DENND10: variants seen among roughly 807,000 people sequenced by gnomAD.
The protein encoded by DENND10 is DENN domain containing 10.
A neutral mutation model predicts 43.6 loss-of-function variants in DENND10; 24 were observed. The ratio of observed to expected loss-of-function variants is 0.55; its 90% confidence interval spans 0.40 to 0.77. The LOEUF is 0.77. Among genes scored for constraint, DENND10 ranks in the 30% least tolerant of loss-of-function variants. The probability of loss-of-function intolerance (pLI) is 0.00; values close to 1 mark genes in which losing one functional copy is unlikely to be tolerated. For missense variants in DENND10, 303 were observed against 429.9 expected (o/e 0.70, Z 2.61); for synonymous variants, 125 against 157.6 (o/e 0.79, Z 1.55).
Position 119,132,785 on chromosome 10 carries a change from C to T in DENND10, c.897+176C>T, listed in dbSNP as rs1012630104. ...GATGGACAAGCAGGTGCAGGCTGGC[C>T]TGATCTAGTTAGTTACTGGGCTCGA... On this transcript the variant is annotated intron_variant, in intron 8 of 8. Transcript: ENST00000361432. The surrounding 1 kb of genome is among the most constrained non-coding windows in gnomAD (Gnocchi z 4.2). The T allele has an allele frequency of 8.0e-6, 5 of 623,764 alleles. No homozygotes were observed. In the Admixed American group the frequency reaches 1.1e-4, roughly 14 times the overall value. 38.6% of individuals were successfully genotyped at this position (623,764 alleles called of 1,614,324 possible).
At chr10:119,119,076 C>T (rs1015585081) in intron 4 of DENND10, among the ~76,000 whole-genome samples, 54 of 151,456 alleles carry the variant, frequency 3.6e-4, no homozygotes, top group African/African-American at 1.2e-3. Flanking sequence ...CTGGGTGGCG[C>T]GATCTTGGCT....
At chr10:119,115,955 C>T (rs1845250079) in intron 3 of DENND10, among the ~76,000 whole-genome samples, 2 of 151,530 alleles carry the variant, frequency 1.3e-5, no homozygotes, top group African/African-American at 2.4e-5. Context: ...GTAGAGACAG[C>T]GTTTCACCGT....
chr10:119,117,441 C>T lies in DENND10; in HGVS notation c.333-78C>T, dbSNP rs1487179364. ...TGGCCTCGGATTCTTGAGAAGGCACCCATACCAGCCTGGGTGCACATCTGT... is the reference window on the plus strand; with the variant it reads ...TGGCCTCGGATTCTTGAGAAGGCACTCATACCAGCCTGGGTGCACATCTGT... On this transcript the variant is annotated intron_variant, in intron 3 of 8. Transcript: ENST00000361432. 12 of 1,474,836 alleles carry T rather than the reference C, an allele frequency of 8.1e-6. No homozygotes were observed. In the Admixed American group the frequency reaches 2.4e-4, roughly 29 times the overall value. The allele number at this position is 1,474,836 out of a possible 1,614,324, so 91.4% of individuals were successfully genotyped here.
chr10:119,129,445 A>G (rs1845983006), intron 6 of DENND10, 70 bp from the exon 7 acceptor site: 1 of 977,056 alleles, frequency 1.0e-6, no homozygotes, highest in Admixed American at 1.8e-5. Context: ...GAGCTTTTAG[A>G]CCCAATTCTT....
intron 6 of DENND10, 125 bp downstream of exon 6, chr10:119,123,694 C>T: frequency 1.4e-6 from 1 of 721,422 alleles, no homozygotes; most frequent in East Asian, 2.8e-5. Flanking sequence ...ACCGCAACGT[C>T]CGCCTTCAAT....
At chr10:119,104,715 G>C (rs10886383) in intron 1 of DENND10, 80,843 of 151,998 alleles carry the variant, frequency 0.53, 22,484 homozygotes, top group Middle Eastern at 0.69. Context: ...GGCAGCTGGA[G>C]ACTGCTGGGC....
Position 119,132,485 on chromosome 10 carries a change from T to C in DENND10, c.803-30T>C. The C allele has an allele frequency of 6.4e-7, 1 of 1,555,574 alleles. No individual in the cohort carries two copies. Among genetic ancestry groups the C allele is most frequent in the Non-Finnish European group, 8.9e-7 (1 of 1,127,846 alleles). On this transcript the variant is annotated intron_variant, in intron 7 of 8. Transcript: ENST00000361432. This position sits in a 1 kb window ranked among gnomAD's most constrained non-coding sequence, Gnocchi z 4.2. The stretch of plus-strand genomic sequence containing the variant: ...GGCATGATTATTTTTTATGTCGATT[T>C]CTAAATATTCACCTTCTTGATCTCA...
chr10:119,135,345 C>T (rs1201154004), intron 8 of DENND10, among the ~76,000 whole-genome samples: 1 of 152,032 alleles, frequency 6.6e-6, no homozygotes, highest in Non-Finnish European at 1.5e-5. Flanking sequence ...GTAGCCAAAA[C>T]GTGGCAGAAG....
In DENND10 at chr10:119,122,926, A is replaced by C. The variant is rs192689930; in HGVS notation, c.594-543A>C. Among the ~76,000 whole-genome samples the C allele has an allele frequency of 2.9e-3, 439 of 152,238 alleles. 1 individual carries two copies. The highest frequency in any genetic ancestry group is 4.7e-3 in the Non-Finnish European group (319 of 68,008). ...TACCACAGGGATCTTTTGAAACTTCACCTTGAGCTTTCTGTAGCTGATCTG... is the reference window on the plus strand; with the variant it reads ...TACCACAGGGATCTTTTGAAACTTCCCCTTGAGCTTTCTGTAGCTGATCTG... On this transcript the variant is annotated intron_variant, in intron 5 of 8. Coordinates refer to ENST00000361432, the MANE Select transcript of DENND10 (RefSeq NM_207009.4).
chr10:119,127,189 C>G (rs1307513857), intron 6 of DENND10, among the ~76,000 whole-genome samples: 1 of 152,058 alleles, frequency 6.6e-6, no homozygotes, highest in Non-Finnish European at 1.5e-5. Flanking sequence ...TAGGTGTGAG[C>G]TACTGTGCCT....
chr10:119,115,641 G>A (rs1026718768), intron 3 of DENND10, among the ~76,000 whole-genome samples: 2 of 150,404 alleles, frequency 1.3e-5, no homozygotes, highest in Non-Finnish European at 1.5e-5. Flanking sequence ...CGCCCGCCTC[G>A]GCCTCCCAAA....
chr10:119,106,866 G>C (rs554899914), intron 1 of DENND10, among the ~76,000 whole-genome samples: 2 of 152,004 alleles, frequency 1.3e-5, no homozygotes, highest in Non-Finnish European at 2.9e-5. Context: ...CCAATGTGGA[G>C]AAACCAAAAC....
intron 4 of DENND10, among the ~76,000 whole-genome samples, chr10:119,119,685 T>C (rs1845466527): frequency 1.3e-5 from 2 of 151,998 alleles, no homozygotes; most frequent in South Asian, 4.1e-4. Flanking sequence ...AAAGTGTTGG[T>C]ATTACAGACA....
At chr10:119,131,948 T>C (rs1173223346) in intron 7 of DENND10, among the ~76,000 whole-genome samples, 1 of 152,210 alleles carries the variant, frequency 6.6e-6, no homozygotes, top group Non-Finnish European at 1.5e-5. Context: ...ACCAGTTGAA[T>C]GGAGTCTGTC....
intron 3 of DENND10, among the ~76,000 whole-genome samples, chr10:119,116,665 CTTTTTTTTTTT>C (rs71016543): frequency 7.6e-6 from 1 of 132,206 alleles, no homozygotes; most frequent in Non-Finnish European, 1.7e-5. Flanking sequence ...TTCTTTCTTT[CTTTTTTTTTTT>C]TTTTTTTTTT....
At chr10:119,123,605 C>CAT in intron 6 of DENND10, 36 bp downstream of exon 6, 1 of 1,033,602 alleles carries the variant, frequency 9.7e-7, no homozygotes, top group African/African-American at 1.8e-5. Context: ...AACTGTTTCA[C>CAT]TTTTTTTTTT....
intron 1 of DENND10, 99 bp from the exon 2 acceptor site, chr10:119,107,869 G>T: frequency 9.4e-7 from 1 of 1,067,870 alleles, no homozygotes; most frequent in Non-Finnish European, 1.5e-6. Context: ...TGTAAGATGG[G>T]ATGTTAAAAC....
chr10:119,133,776 T>G (rs78804492), intron 8 of DENND10: 1 of 152,344 alleles, frequency 6.6e-6, no homozygotes, highest in South Asian at 2.1e-4. Flanking sequence ...CTGGAGACTC[T>G]GGGGCCGCTT....
intron 8 of DENND10, among the ~76,000 whole-genome samples, chr10:119,135,662 G>T (rs1386326355): frequency 1.3e-5 from 2 of 151,800 alleles, no homozygotes; most frequent in African/African-American, 4.8e-5. Context: ...GGGAAATGGG[G>T]TTATTGTGTA....
Sources: allele counts gnomAD v4.1 joint callset (sites outside exome capture counted in the v4.1 genomes callset), GRCh38; gene constraint gnomAD v4.1.1; non-coding constraint Gnocchi (gnomAD v3.1); transcripts MANE v1.5; gene names NCBI Gene and HGNC (gene_info 2026-07-23, HGNC 2026-07-21).